Variants in XPR1 observed in about 807,000 individuals in gnomAD.
XPR1 encodes the protein xenotropic and polytropic retrovirus receptor 1.
In XPR1, 28 loss-of-function variants were observed where a neutral mutation model predicts 87.5. The ratio of observed to expected loss-of-function variants is 0.32; its 90% CI spans 0.24 to 0.44. XPR1 has a LOEUF of 0.44. Among genes scored for constraint, XPR1 ranks in the 20% least tolerant of loss-of-function variants. The probability of loss-of-function intolerance (pLI) is 1.00; values close to 1 mark genes in which losing one functional copy is unlikely to be tolerated. For synonymous variants in XPR1, 300 were observed against 306.1 expected (o/e 0.98, Z 0.21); for missense variants, 559 against 862.3 (o/e 0.65, Z 4.41).
At chr1:180,759,955 C>T (rs1011184934) in intron 2 of XPR1, among the ~76,000 whole-genome samples, 12 of 152,148 alleles carry the variant, frequency 7.9e-5, no homozygotes, top group Non-Finnish European at 8.8e-5. Context: ...CAAGGCTGTT[C>T]AACATACGCA....
intron 2 of XPR1, among the ~76,000 whole-genome samples, chr1:180,696,208 GTATATATATA>G (rs71121045): frequency 5.5e-3 from 489 of 88,576 alleles, no homozygotes; most frequent in Non-Finnish European, 8.3e-3. Flanking sequence ...GTGTGTGTGT[GTATATATATA>G]TATATATATA....
At chr1:180,687,676 A>G (rs1557957645) in intron 2 of XPR1, among the ~76,000 whole-genome samples, 1 of 152,082 alleles carries the variant, frequency 6.6e-6, no homozygotes, top group Non-Finnish European at 1.5e-5. Flanking sequence ...TCAAATTCCT[A>G]GTTGTTTTGT....
chr1:180,859,868 A>AAAGTTGT (rs1335122065), intron 11 of XPR1, among the ~76,000 whole-genome samples: 4 of 152,196 alleles, frequency 2.6e-5, no homozygotes, highest in African/African-American at 9.6e-5. Context: ...TCAAAATTTT[A>AAAGTTGT]AAGTTGTGAA....
At chr1:180,678,129 G>A (rs1656426385) in intron 1 of XPR1, among the ~76,000 whole-genome samples, 1 of 152,198 alleles carries the variant, frequency 6.6e-6, no homozygotes, top group African/African-American at 2.4e-5. Context: ...ATGTTAGGAT[G>A]GAGATGGCAC....
chr1:180,873,572 C>G (rs1017078991), intron 12 of XPR1, among the ~76,000 whole-genome samples: 11 of 152,130 alleles, frequency 7.2e-5, no homozygotes, highest in Non-Finnish European at 1.5e-5. Flanking sequence ...TACTCAAATT[C>G]AGTAATACTT....
intron 2 of XPR1, among the ~76,000 whole-genome samples, chr1:180,728,935 C>T (rs1158182540): frequency 6.6e-6 from 1 of 152,114 alleles, no homozygotes; most frequent in Non-Finnish European, 1.5e-5. Flanking sequence ...CAGATTATTT[C>T]ATCAGCCAGG....
intron 9 of XPR1, among the ~76,000 whole-genome samples, chr1:180,826,293 A>G (rs919065369): frequency 2.2e-4 from 33 of 151,984 alleles, no homozygotes; most frequent in African/African-American, 7.7e-4. Context: ...GCTCATGCCT[A>G]TAATCCCAGT....
intron 2 of XPR1, among the ~76,000 whole-genome samples, chr1:180,744,654 C>CTTTCTTTTTTTTTTT (rs778247901): frequency 2.0e-5 from 2 of 102,396 alleles, no homozygotes; most frequent in East Asian, 3.1e-4. Context: ...CAATTTCTTT[C>CTTTCTTTTTTTTTTT]TTTTTTTTTT....
chr1:180,656,587 AATAT>A (rs1490682519), intron 1 of XPR1, among the ~76,000 whole-genome samples: 1 of 97,868 alleles, frequency 1.0e-5, no homozygotes, highest in Non-Finnish European at 1.9e-5. Flanking sequence ...ATGTATGTAT[AATAT>A]ATATTTTATA....
In XPR1 at chr1:180,712,871, A is replaced by G. The variant is rs1394758143; in HGVS notation, c.121+30460A>G. Among the ~76,000 whole-genome samples, 7 of 151,344 alleles carry G rather than the reference A, an allele frequency of 4.6e-5. No homozygotes were observed. In the South Asian group the frequency reaches 1.2e-3, roughly 27 times the overall value. ...CAGTTGTTCATGTATATGTAGGTCT[A>G]TTTCTTGATTACTATAGCTTTAGTA... On this transcript the variant is annotated intron_variant, in intron 2 of 14. Transcript: ENST00000367590.
intron 2 of XPR1, among the ~76,000 whole-genome samples, chr1:180,691,180 T>G (rs1656981731): frequency 6.6e-6 from 1 of 152,132 alleles, no homozygotes; most frequent in African/African-American, 2.4e-5. Flanking sequence ...CTATATTTTA[T>G]GAAGTATTGA....
At chr1:180,818,172 G>A (rs1650481489) in intron 7 of XPR1, among the ~76,000 whole-genome samples, 1 of 152,130 alleles carries the variant, frequency 6.6e-6, no homozygotes, top group South Asian at 2.1e-4. Context: ...GTGAGACGAG[G>A]CTTCTCATAT....
chr1:180,802,180 G>T (rs963487747), intron 3 of XPR1, among the ~76,000 whole-genome samples: 1 of 151,148 alleles, frequency 6.6e-6, no homozygotes, highest in Admixed American at 6.6e-5. Flanking sequence ...TATGAAAGGT[G>T]TAGAAGAGTT....
intron 2 of XPR1, among the ~76,000 whole-genome samples, chr1:180,685,571 C>T (rs982008768): frequency 2.0e-4 from 31 of 152,188 alleles, no homozygotes; most frequent in African/African-American, 7.2e-4. Context: ...GTACCAGCTC[C>T]TCTTTGTACC....
In XPR1 at chr1:180,642,425, T is replaced by A. The variant is rs12063649; in HGVS notation, c.69+10155T>A. ...ACATGACTGTCCCCTTTCTTTTTTT[T>A]TAAAAAAATAATAAAACAATAATGA... On this transcript the variant is annotated intron_variant, in intron 1 of 14. Transcript: ENST00000367590. 4.4e-3 allele frequency among the ~76,000 whole-genome samples: 670 copies of A among 152,192 alleles called. 3 individuals are homozygous for A. The highest frequency in any genetic ancestry group is 0.016 in the African/African-American group (648 of 41,538).
intron 1 of XPR1, among the ~76,000 whole-genome samples, chr1:180,654,229 A>C (rs1655378813): frequency 6.6e-6 from 1 of 152,256 alleles, no homozygotes; most frequent in Non-Finnish European, 1.5e-5. Flanking sequence ...AGCCTAATCT[A>C]ACCTAGCTTC....
chr1:180,692,970 A>G (rs1201223105), intron 2 of XPR1, among the ~76,000 whole-genome samples: 3 of 152,216 alleles, frequency 2.0e-5, no homozygotes, highest in African/African-American at 4.8e-5. Context: ...TCACTAATAT[A>G]TGAAGTCACT....
chr1:180,811,535 G>C, intron 7 of XPR1, 47 bp downstream of exon 7: 9 of 1,452,628 alleles, frequency 6.2e-6, no homozygotes, highest in Non-Finnish European at 8.6e-6. Context: ...CAATATGCCT[G>C]TGTCATATTC....
At chr1:180,821,220 C>A (rs1211749638) in intron 7 of XPR1, among the ~76,000 whole-genome samples, 1 of 152,068 alleles carries the variant, frequency 6.6e-6, no homozygotes, top group African/African-American at 2.4e-5. Context: ...TTGAATTAAT[C>A]TTTGTGTATG....
Sources: gnomAD v4.1 joint callset for allele counts (sites outside exome capture counted in the v4.1 genomes callset) on GRCh38, gnomAD v4.1.1 for gene constraint, MANE v1.5 for transcripts, NCBI Gene and HGNC (gene_info 2026-07-23, HGNC 2026-07-21) for gene names.